The following ZMIZ1 variants were observed in gnomAD, a reference collection of about 807,000 sequenced individuals.
ZMIZ1 encodes zinc finger MIZ-type containing 1, also known as zinc finger MIZ domain-containing protein 1.
ZMIZ1 carries 17 observed loss-of-function variants against 113.9 expected under a neutral mutation model. The observed-to-expected ratio is 0.15, with a 90% confidence interval of 0.10 to 0.22. The LOEUF (loss-of-function observed/expected upper bound fraction) is 0.22. Among genes scored for constraint, ZMIZ1 ranks in the 10% least tolerant of loss-of-function variants. ZMIZ1 has a pLI of 1.00. For synonymous variants in ZMIZ1, 607 were observed against 603.1 expected (o/e 1.01, Z -0.09); for missense variants, 1,059 against 1,477.8 (o/e 0.72, Z 4.65).
chr10:79,289,699 G>A, intron 8 of ZMIZ1, 76 bp from the exon 9 acceptor site: 2 of 1,377,284 alleles, frequency 1.5e-6, no homozygotes, highest in Non-Finnish European at 2.0e-6. Context: ...CGGTCACTTG[G>A]TGGGGTGATG....
intron 1 of ZMIZ1, among the ~76,000 whole-genome samples, chr10:79,089,510 C>T (rs1842926975): frequency 6.6e-6 from 1 of 152,212 alleles, no homozygotes; most frequent in African/African-American, 2.4e-5. Flanking sequence ...GGACCCCTCT[C>T]CCTGGGCCCT....
intron 8 of ZMIZ1, among the ~76,000 whole-genome samples, chr10:79,279,261 A>G (rs1187921041): frequency 6.6e-6 from 1 of 151,384 alleles, no homozygotes; most frequent in Non-Finnish European, 1.5e-5. Flanking sequence ...GCGGCCGGTC[A>G]GAGACGCTCC....
Position 79,314,016 on chromosome 10 carries a change from G to C in ZMIZ1, c.*1267G>C, listed in dbSNP as rs891076298. 4.4e-6 allele frequency: 2 copies of C among 456,146 alleles called. No individual in the cohort carries two copies. Among genetic ancestry groups the C allele is most frequent in the Non-Finnish European group, 8.8e-6 (2 of 226,892 alleles). 28.3% of individuals were successfully genotyped at this position (456,146 alleles called of 1,614,324 possible). ...TGTACCTGCAGGCATGGGGGGGAGG[G>C]GGGCGTGTTTCTGGGCCTGCCCCAG... On this transcript the variant is annotated 3_prime_UTR_variant, in exon 25 of 25. Coordinates refer to ENST00000334512, the MANE Select transcript of ZMIZ1 (RefSeq NM_020338.4).
At chr10:79,254,337 G>T (rs2132902483) in intron 7 of ZMIZ1, among the ~76,000 whole-genome samples, 1 of 152,368 alleles carries the variant, frequency 6.6e-6, no homozygotes, top group African/African-American at 2.4e-5. Flanking sequence ...GTGGACTGAG[G>T]TCATTGCCCG....
chr10:79,159,969 CG>C (rs1846043973), intron 3 of ZMIZ1, among the ~76,000 whole-genome samples: 1 of 152,216 alleles, frequency 6.6e-6, no homozygotes, highest in Non-Finnish European at 1.5e-5. Flanking sequence ...CGGGCCTGGC[CG>C]ATGCTCACTG....
chr10:79,265,345 A>G (rs959833800), intron 7 of ZMIZ1, among the ~76,000 whole-genome samples: 3 of 152,112 alleles, frequency 2.0e-5, no homozygotes, highest in African/African-American at 7.2e-5. Flanking sequence ...TGCACCACCC[A>G]ACTAGCCAGT....
chr10:79,312,503 G>C, intron 24 of ZMIZ1, 139 bp from the exon 25 acceptor site: 1 of 844,808 alleles, frequency 1.2e-6, no homozygotes, highest in South Asian at 1.5e-5. Context: ...CAAGCCCAAG[G>C]CTGTTCTCTA....
At chr10:79,254,983 C>G (rs964297407) in intron 7 of ZMIZ1, among the ~76,000 whole-genome samples, 1 of 152,204 alleles carries the variant, frequency 6.6e-6, no homozygotes, top group African/African-American at 2.4e-5. Context: ...ACAGCTGGTG[C>G]CTACTCGCAC....
chr10:79,136,108 G>T (rs1324480623), intron 2 of ZMIZ1, among the ~76,000 whole-genome samples: 3 of 152,212 alleles, frequency 2.0e-5, no homozygotes, highest in Admixed American at 2.0e-4. Context: ...TCCAGGATCT[G>T]CCCCACCCCT....
intron 7 of ZMIZ1, among the ~76,000 whole-genome samples, chr10:79,252,134 T>C (rs1360524141): frequency 6.6e-6 from 1 of 152,176 alleles, no homozygotes; most frequent in East Asian, 1.9e-4. Context: ...CGACTGCTGC[T>C]GCCCAAGGGC....
Position 79,296,629 on chromosome 10 carries a change from G to A in ZMIZ1, c.1389G>A (p.Thr463=), listed in dbSNP as rs748756452. 2.6e-5 allele frequency: 41 copies of A among 1,581,630 alleles called. No individual in the cohort carries two copies. Among genetic ancestry groups the A allele is most frequent in the East Asian group, 1.1e-4 (5 of 44,288 alleles). ...QPSSGQYPPP[T]VNMGQYYKPE... ...GCTCCGGGCAGTACCCGCCCCCCACGGTCAACATGGGGCAGTATTACAAGG... is the reference window on the plus strand; with the variant it reads ...GCTCCGGGCAGTACCCGCCCCCCACAGTCAACATGGGGCAGTATTACAAGG... Residue 463 remains threonine (T), a synonymous_variant, in exon 13 of 25, where the codon ACG becomes ACA. Coordinates refer to ENST00000334512, the MANE Select transcript of ZMIZ1 (RefSeq NM_020338.4). This position sits in a 1 kb window ranked among gnomAD's most constrained non-coding sequence, Gnocchi z 4.1.
intron 3 of ZMIZ1, among the ~76,000 whole-genome samples, chr10:79,147,199 G>A (rs1455089083): frequency 6.6e-6 from 1 of 152,154 alleles, no homozygotes; most frequent in African/African-American, 2.4e-5. Context: ...GTATGGGGAG[G>A]CCTGGGCTGG....
intron 7 of ZMIZ1, among the ~76,000 whole-genome samples, chr10:79,217,440 A>G (rs888561073): frequency 1.3e-5 from 2 of 152,172 alleles, no homozygotes; most frequent in Non-Finnish European, 2.9e-5. Context: ...AAAAGAAAGA[A>G]AGAAATACAT....
At chr10:79,097,019 T>C (rs927159366) in intron 1 of ZMIZ1, among the ~76,000 whole-genome samples, 4 of 151,738 alleles carry the variant, frequency 2.6e-5, no homozygotes, top group African/African-American at 7.3e-5. Flanking sequence ...CAGAGAGGGG[T>C]CCCATGTGGC....
chr10:79,168,203 A>G (rs976173471), intron 4 of ZMIZ1, among the ~76,000 whole-genome samples: 1 of 152,212 alleles, frequency 6.6e-6, no homozygotes, highest in Non-Finnish European at 1.5e-5. Flanking sequence ...GCAGGGAGTC[A>G]TGGAAGGTTC....
chr10:79,128,873 C>T (rs1844630608), intron 2 of ZMIZ1, among the ~76,000 whole-genome samples: 1 of 152,162 alleles, frequency 6.6e-6, no homozygotes, highest in African/African-American at 2.4e-5. Context: ...GGTGTGAGAG[C>T]CTGGGCGTGC....
chr10:79,188,541 T>A (rs1248843209), intron 4 of ZMIZ1, among the ~76,000 whole-genome samples: 1 of 152,198 alleles, frequency 6.6e-6, no homozygotes, highest in Non-Finnish European at 1.5e-5. Context: ...CTGTGGCTTC[T>A]CTTCGCACAG....
chr10:79,308,933 C>G (rs1335601536), intron 23 of ZMIZ1, among the ~76,000 whole-genome samples: 4 of 152,332 alleles, frequency 2.6e-5, no homozygotes, highest in Middle Eastern at 3.4e-3. Context: ...GTGGCTTGAT[C>G]TGAGCCTGTG....
chr10:79,249,079 G>C (rs1850385079), intron 7 of ZMIZ1, among the ~76,000 whole-genome samples: 1 of 152,216 alleles, frequency 6.6e-6, no homozygotes, highest in Admixed American at 6.5e-5. Flanking sequence ...GGCCAGGACT[G>C]TGAAAAAATG....
Sources: allele counts gnomAD v4.1 joint callset (sites outside exome capture counted in the v4.1 genomes callset), GRCh38; gene constraint gnomAD v4.1.1; non-coding constraint Gnocchi (gnomAD v3.1); transcripts MANE v1.5; gene names NCBI Gene and HGNC (gene_info 2026-07-23, HGNC 2026-07-21).